The following SHISA9 variants were observed in gnomAD, a reference collection of about 807,000 sequenced individuals.
SHISA9 encodes the protein protein shisa-9.
In SHISA9, 13 loss-of-function variants were observed where a neutral mutation model predicts 38.0. The ratio of observed to expected loss-of-function variants is 0.34; its 90% CI spans 0.22 to 0.54. The LOEUF (loss-of-function observed/expected upper bound fraction) is 0.54, where lower values mean the gene tolerates loss of function less well. SHISA9 is among the 20% of genes least tolerant of loss of function. The probability of loss-of-function intolerance (pLI) is 0.91; values close to 1 mark genes in which losing one functional copy is unlikely to be tolerated. For missense variants in SHISA9, 538 were observed against 575.8 expected, an observed-to-expected ratio of 0.93 and a Z score of 0.67; for synonymous variants, 275 against 242.0, an observed-to-expected ratio of 1.14 and a Z score of -1.27.
At chr16:13,417,905 G>A in the SHISA9 span, among the ~76,000 whole-genome samples, 9 of 152,272 alleles carry the variant, frequency 5.9e-5, no homozygotes, top group African/African-American at 2.2e-4. Context: ...TGGTGAAGCT[G>A]GTGGAACTTT....
At chr16:13,189,511 G>A (rs749762966) in intron 2 of SHISA9, among the ~76,000 whole-genome samples, 2 of 152,216 alleles carry the variant, frequency 1.3e-5, no homozygotes. Flanking sequence ...AAATAGAATT[G>A]TTATACTTAG....
the SHISA9 span, among the ~76,000 whole-genome samples, chr16:13,361,717 T>G: frequency 6.6e-6 from 1 of 152,206 alleles, no homozygotes; most frequent in African/African-American, 2.4e-5. Context: ...TGCACCCTGA[T>G]GGTTGTTCCT....
intron 2 of SHISA9, among the ~76,000 whole-genome samples, chr16:13,096,118 C>T (rs1318417079): frequency 6.6e-6 from 1 of 152,176 alleles, no homozygotes; most frequent in Non-Finnish European, 1.5e-5. Flanking sequence ...CTCCTTTAAG[C>T]CTCTATTTCT....
In SHISA9 at chr16:12,931,780, G is replaced by C. The variant is rs548410045; in HGVS notation, c.691+14965G>C. 2.4e-3 allele frequency among the ~76,000 whole-genome samples: 358 copies of C among 152,232 alleles called. 1 individual carries two copies. Among genetic ancestry groups the C allele is most frequent in the African/African-American group, 8.3e-3 (346 of 41,546 alleles). Reference sequence around the variant, plus strand: ...TGGGTATTTACCCAGTCATGGGATTGCTAGGTCAGATGAAGTTGCCCATTT... The same window carrying C: ...TGGGTATTTACCCAGTCATGGGATTCCTAGGTCAGATGAAGTTGCCCATTT... On this transcript the variant is annotated intron_variant, in intron 2 of 4. Coordinates refer to ENST00000558583, the MANE Select transcript of SHISA9 (RefSeq NM_001145204.3).
the SHISA9 span, among the ~76,000 whole-genome samples, chr16:13,337,546 C>T: frequency 1.3e-5 from 2 of 152,114 alleles, no homozygotes; most frequent in Admixed American, 6.6e-5. Flanking sequence ...CAGTGAAGTG[C>T]CAACATTGCC....
chr16:13,489,479 G>A, the SHISA9 span, among the ~76,000 whole-genome samples: 2 of 152,050 alleles, frequency 1.3e-5, no homozygotes, highest in African/African-American at 4.8e-5. Context: ...ATCTTGAATT[G>A]TAGCTCCCAT....
chr16:13,181,267 TTATATATATATATATA>T (rs1156705123), intron 2 of SHISA9, among the ~76,000 whole-genome samples: 70 of 80,100 alleles, frequency 8.7e-4, no homozygotes, highest in South Asian at 3.6e-3. Flanking sequence ...AAATAAAATT[TTATATATATATATATA>T]TATATATATA....
At chr16:13,032,644 C>G (rs2073005754) in intron 2 of SHISA9, among the ~76,000 whole-genome samples, 1 of 152,172 alleles carries the variant, frequency 6.6e-6, no homozygotes, top group African/African-American at 2.4e-5. Flanking sequence ...TTGTACAGTG[C>G]CTAGTACAGA....
chr16:13,332,383 A>G, the SHISA9 span: 2 of 152,314 alleles, frequency 1.3e-5, no homozygotes, highest in Admixed American at 1.3e-4. Flanking sequence ...TTGACAGAGT[A>G]ATCTCCATTT....
rs1475591121 is a variant in SHISA9, at chr16:13,235,484, C to A, written c.*75C>A. 4 of 1,437,068 alleles carry A rather than the reference C, an allele frequency of 2.8e-6. No individual in the cohort carries two copies. In the East Asian group the frequency reaches 7.5e-5, roughly 27 times the overall value. The allele number at this position is 1,437,068 out of a possible 1,614,324, so 89.0% of individuals were successfully genotyped here. On this transcript the variant is annotated 3_prime_UTR_variant, in exon 5 of 5. Transcript: ENST00000558583. Reference sequence around the variant, plus strand: ...AAAAAACAACCCCGCCCACACCCTCCCCATCCTCCCCTAATACATGCGTCC... The same window carrying A: ...AAAAAACAACCCCGCCCACACCCTCACCATCCTCCCCTAATACATGCGTCC...
chr16:13,110,523 A>C (rs995526704), intron 2 of SHISA9, among the ~76,000 whole-genome samples: 3 of 152,196 alleles, frequency 2.0e-5, no homozygotes, highest in African/African-American at 7.2e-5. Flanking sequence ...CATGTTTGAG[A>C]AATGGTCCCT....
At chr16:13,297,450 G>T in the SHISA9 span, among the ~76,000 whole-genome samples, 2,769 of 152,284 alleles carry the variant, frequency 0.018, 83 homozygotes, top group African/African-American at 0.064. Context: ...TTTGGGAAAA[G>T]TATGAAAGAG....
At chr16:13,532,030 T>C in the SHISA9 span, among the ~76,000 whole-genome samples, 2 of 152,222 alleles carry the variant, frequency 1.3e-5, no homozygotes, top group Non-Finnish European at 2.9e-5. Flanking sequence ...AATCCCCTTT[T>C]CTGCCTCCCC....
the SHISA9 span, among the ~76,000 whole-genome samples, chr16:13,403,003 G>C: frequency 3.9e-5 from 6 of 151,936 alleles, no homozygotes; most frequent in African/African-American, 1.5e-4. Context: ...CTGTAGTCCC[G>C]GTTACTCAGG....
the SHISA9 span, among the ~76,000 whole-genome samples, chr16:13,480,494 C>G: frequency 3.3e-5 from 5 of 152,190 alleles, no homozygotes; most frequent in African/African-American, 1.2e-4. Flanking sequence ...TTGCTGGTCA[C>G]TCAGAACCTT....
At chr16:13,462,062 G>A in the SHISA9 span, among the ~76,000 whole-genome samples, 1 of 151,770 alleles carries the variant, frequency 6.6e-6, no homozygotes, top group Non-Finnish European at 1.5e-5. Context: ...TTGAGGACAG[G>A]AGTTCAAGAC....
At chr16:13,155,817 A>G (rs1388215150) in intron 2 of SHISA9, among the ~76,000 whole-genome samples, 1 of 150,044 alleles carries the variant, frequency 6.7e-6, no homozygotes, top group African/African-American at 2.5e-5. Context: ...CCCTACCCCT[A>G]TTCCATGTTC....
At chr16:13,320,362 C>CAAG in the SHISA9 span, among the ~76,000 whole-genome samples, 1 of 148,168 alleles carries the variant, frequency 6.7e-6, no homozygotes, top group South Asian at 2.1e-4. Flanking sequence ...AGCAACCCAG[C>CAAG]AAGTTCCAAT....
chr16:13,144,790 T>A (rs1462676067), intron 2 of SHISA9, among the ~76,000 whole-genome samples: 1 of 152,168 alleles, frequency 6.6e-6, no homozygotes, highest in Non-Finnish European at 1.5e-5. Flanking sequence ...ATTTTGCTCT[T>A]CTTAATGAGG....
Sources: allele counts gnomAD v4.1 joint callset (sites outside exome capture counted in the v4.1 genomes callset), GRCh38; gene constraint gnomAD v4.1.1; transcripts MANE v1.5; gene names NCBI Gene and HGNC (gene_info 2026-07-23, HGNC 2026-07-21).